The following POLN variants were observed in gnomAD, a reference collection of about 807,000 sequenced individuals.
POLN encodes DNA polymerase nu, also known as DNA polymerase N.
A neutral mutation model predicts 113.5 loss-of-function variants in POLN; 108 were observed. That is an observed-to-expected ratio of 0.95 (90% CI 0.81 to 1.12). POLN has a LOEUF of 1.12. POLN is among the 50% of genes most tolerant of loss of function. POLN has a pLI of 0.00. For missense variants in POLN, 1,097 were observed against 1,077.1 expected (o/e 1.02, Z -0.26); for synonymous variants, 386 against 391.5 (o/e 0.99, Z 0.17).
At chr4:2,138,012 T>C (rs1210562111) in intron 16 of POLN, among the ~76,000 whole-genome samples, 1 of 152,136 alleles carries the variant, frequency 6.6e-6, no homozygotes, top group Non-Finnish European at 1.5e-5. Flanking sequence ...CTAATTCTTG[T>C]ATTTTTGGTA....
At chr4:2,151,547 C>G (rs1732296494) in intron 16 of POLN, among the ~76,000 whole-genome samples, 1 of 152,146 alleles carries the variant, frequency 6.6e-6, no homozygotes, top group African/African-American at 2.4e-5. Flanking sequence ...GAATAATATC[C>G]CCAAACTGGA....
chr4:2,118,071 C>T (rs1225622651), intron 19 of POLN, among the ~76,000 whole-genome samples: 1 of 152,140 alleles, frequency 6.6e-6, no homozygotes, highest in Non-Finnish European at 1.5e-5. Context: ...ACAGACACAC[C>T]CACAGTTAAT....
intron 23 of POLN, chr4:2,080,191 G>A (rs1000145629): frequency 2.1e-5 from 21 of 987,170 alleles, no homozygotes; most frequent in Non-Finnish European, 2.5e-5. Flanking sequence ...AGGAGAGGAG[G>A]TGTCTGGGTC....
chr4:2,147,664 C>G (rs1411700574), intron 16 of POLN, among the ~76,000 whole-genome samples: 1 of 29,278 alleles, frequency 3.4e-5, no homozygotes, highest in Non-Finnish European at 7.1e-5. Flanking sequence ...TTTTTTGAGA[C>G]AAAGTTTCAC....
At chr4:2,229,298 A>G (rs1221265597) in intron 2 of POLN, 55 bp from the exon 3 acceptor site, 2 of 1,350,936 alleles carry the variant, frequency 1.5e-6, no homozygotes, top group Admixed American at 5.1e-5. Flanking sequence ...AAGACTATAA[A>G]ACAGGAAATA....
chr4:2,128,029 A>G, intron 19 of POLN, 84 bp downstream of exon 19: 1 of 852,458 alleles, frequency 1.2e-6, no homozygotes, highest in East Asian at 2.6e-5. Flanking sequence ...GCCTTATGAA[A>G]GTAGCCTTGG....
In POLN at chr4:2,208,310, T is replaced by G. The variant is rs1671360092; in HGVS notation, c.391A>C (p.Lys131Gln). The G allele has an allele frequency of 1.2e-6, 2 of 1,606,310 alleles. No homozygotes were observed. The highest frequency in any genetic ancestry group is 1.1e-5 in the South Asian group (1 of 89,140). ...QYNQEASVLQ[K>Q]KGHKRKHFLM... ...AAATGCTTTCTTTTATGCCCCTTTT[T>G]CTGTAGAACTGAAGCCTCTTGATTA... The change falls in exon 5 of 26, where the codon AAA becomes CAA. Residue 131 changes from lysine (K) to glutamine (Q), a missense_variant. Lys to Gln is a moderately conservative substitution (Grantham distance 53). Coordinates refer to ENST00000511885, the MANE Select transcript of POLN (RefSeq NM_181808.4).
chr4:2,080,253 G>A (rs1730374010), intron 23 of POLN: 10 of 987,886 alleles, frequency 1.0e-5, no homozygotes, highest in Middle Eastern at 5.1e-4. Context: ...GTGGCTGGGC[G>A]AGGGCTGCTT....
intron 6 of POLN, among the ~76,000 whole-genome samples, chr4:2,196,953 G>A (rs1733591178): frequency 1.3e-5 from 2 of 152,208 alleles, no homozygotes; most frequent in South Asian, 4.1e-4. Flanking sequence ...CACATGGTCA[G>A]GAACGGCAAG....
intron 16 of POLN, among the ~76,000 whole-genome samples, chr4:2,146,390 C>A (rs149451423): frequency 3.9e-5 from 6 of 152,198 alleles, no homozygotes; most frequent in Non-Finnish European, 8.8e-5. Flanking sequence ...CACCTGTAAT[C>A]CCAGCTACTT....
At chr4:2,215,161 G>A (rs1019589357) in intron 3 of POLN, among the ~76,000 whole-genome samples, 9 of 152,002 alleles carry the variant, frequency 5.9e-5, no homozygotes, top group African/African-American at 2.2e-4. Flanking sequence ...GAAGAAAACT[G>A]AGGAATAAAT....
chr4:2,238,939 AG>A (rs1560105876), intron 2 of POLN: 1 of 1,608,484 alleles, frequency 6.2e-7, no homozygotes, highest in Non-Finnish European at 8.5e-7. Context: ...CTCTTACCAC[AG>A]CAGGTAAACT....
chr4:2,196,638 G>GAAAA (rs200934370), intron 6 of POLN, among the ~76,000 whole-genome samples: 3 of 117,690 alleles, frequency 2.5e-5, no homozygotes, highest in South Asian at 5.6e-4. Flanking sequence ...TGTGGCTCTG[G>GAAAA]AAAAAAAAAA....
chr4:2,072,148 G>A lies in POLN; in HGVS notation c.2669C>T (p.Pro890Leu), dbSNP rs940702415. The A allele has an allele frequency of 1.9e-6, 3 of 1,612,888 alleles. No homozygotes were observed. The highest frequency in any genetic ancestry group is 2.2e-5 in the South Asian group (2 of 91,078). ...AAATGAAGGCGAAAAATGCAGGGGT[G>A]GGGGCTGGGTGCTGGCAGGGGACCC... ...APGSPASTQP[P>L]PLHFSPSFCL The change falls in exon 26 of 26, where the codon CCA (proline) becomes CTA (leucine). Residue 890 changes from proline (P) to leucine (L), a missense_variant. Coordinates refer to ENST00000511885, the MANE Select transcript of POLN (RefSeq NM_181808.4).
chr4:2,174,814 G>T, intron 9 of POLN, 63 bp from the exon 10 acceptor site: 10 of 1,204,426 alleles, frequency 8.3e-6, no homozygotes, highest in Non-Finnish European at 1.1e-5. Context: ...GCATTTTGTT[G>T]AAAAGCCTAC....
At chr4:2,116,293 C>A (rs1731315672) in intron 19 of POLN, among the ~76,000 whole-genome samples, 2 of 152,180 alleles carry the variant, frequency 1.3e-5, no homozygotes, top group South Asian at 4.1e-4. Flanking sequence ...CAGCTGGTTT[C>A]TTCTTCCCTC....
chr4:2,107,486 T>C (rs1052602583), intron 19 of POLN, among the ~76,000 whole-genome samples: 2 of 151,696 alleles, frequency 1.3e-5, no homozygotes, highest in African/African-American at 4.8e-5. Context: ...CTTGGAGGGG[T>C]TGCATGAGCT....
In POLN at chr4:2,207,845, T is replaced by C. The variant is rs1337038612; in HGVS notation, c.714+142A>G. The C allele has an allele frequency of 5.4e-6, 5 of 922,442 alleles. No homozygotes were observed. The Admixed American group carries it at 9.7e-5, about 18-fold the overall frequency. 57.1% of individuals were successfully genotyped at this position (922,442 alleles called of 1,614,324 possible). ...GTTTCCTAAGAAACTGATGGGAGCA[T>C]ACATTGTCAATCACTTACCACTGGA... On this transcript the variant is annotated intron_variant, in intron 5 of 25. Transcript: ENST00000511885.
chr4:2,213,911 T>C (rs1470923288), intron 3 of POLN, among the ~76,000 whole-genome samples: 1 of 152,148 alleles, frequency 6.6e-6, no homozygotes, highest in Non-Finnish European at 1.5e-5. Flanking sequence ...TTTAATTTAA[T>C]AAAATAATTT....
Sources: gnomAD v4.1 joint callset for allele counts (sites outside exome capture counted in the v4.1 genomes callset) on GRCh38, gnomAD v4.1.1 for gene constraint, MANE v1.5 for transcripts, NCBI Gene and HGNC (gene_info 2026-07-23, HGNC 2026-07-21) for gene names.